The following LRRC7 variants were observed in gnomAD, a reference collection of about 807,000 sequenced individuals.
The protein encoded by LRRC7 is leucine rich repeat containing 7.
A neutral mutation model predicts 175.7 loss-of-function variants in LRRC7; 23 were observed. The observed-to-expected ratio is 0.13, with a 90% confidence interval of 0.09 to 0.19. The LOEUF is 0.19. LRRC7 is among the 10% of genes least tolerant of loss of function. LRRC7 has a pLI of 1.00. For synonymous variants in LRRC7, 685 were observed against 680.9 expected (o/e 1.01, Z -0.09); for missense variants, 1,354 against 1,904.7 (o/e 0.71, Z 5.38).
intron 23 of LRRC7, among the ~76,000 whole-genome samples, chr1:70,058,295 C>G (rs1004844358): frequency 2.6e-5 from 4 of 152,140 alleles, no homozygotes; most frequent in African/African-American, 9.7e-5. Flanking sequence ...TAGGCGAGAG[C>G]CACTGTGCCC....
chr1:69,618,977 A>C (rs2100302247), intron 1 of LRRC7, among the ~76,000 whole-genome samples: 1 of 152,308 alleles, frequency 6.6e-6, no homozygotes, highest in African/African-American at 2.4e-5. Context: ...CAAACTATCA[A>C]ATTTAGAAGC....
intron 3 of LRRC7, among the ~76,000 whole-genome samples, chr1:69,779,877 C>T (rs997701678): frequency 3.3e-4 from 50 of 151,952 alleles, no homozygotes; most frequent in African/African-American, 1.2e-3. Context: ...CAGCACCTGT[C>T]CAGTACTATA....
At position 69,997,039 on chromosome 1, in the gene LRRC7, T is replaced by A. The variant is rs559511734; in HGVS notation, c.1004+2406T>A. On this transcript the variant is annotated intron_variant, in intron 11 of 26. Coordinates refer to ENST00000651989, the MANE Select transcript of LRRC7 (RefSeq NM_001370785.2). ...ATTCTTCCTACCCATGAGCATAGAA[T>A]GTTCTTCCATTTGTTTGTATCCTCT... is the stretch of plus-strand genomic sequence containing the variant. Among the ~76,000 whole-genome samples, 986 of 152,332 alleles carry A rather than the reference T, an allele frequency of 6.5e-3. 9 individuals are homozygous for A. The highest frequency in any genetic ancestry group is 0.022 in the African/African-American group (909 of 41,554).
intron 4 of LRRC7, among the ~76,000 whole-genome samples, chr1:69,800,596 G>A (rs1676358646): frequency 1.3e-5 from 2 of 152,006 alleles, no homozygotes; most frequent in South Asian, 2.1e-4. Flanking sequence ...TTTGTATCCC[G>A]AAATTTTGCT....
intron 2 of LRRC7, among the ~76,000 whole-genome samples, chr1:69,746,739 T>C (rs1669298970): frequency 6.6e-6 from 1 of 152,098 alleles, no homozygotes; most frequent in South Asian, 2.1e-4. Flanking sequence ...TGGTAATAAG[T>C]CTATGCCAGA....
rs550110083 is a variant in LRRC7 at position 70,120,705 on chromosome 1, T to A, written c.4621-1075T>A. Among the ~76,000 whole-genome samples the A allele has an allele frequency of 2.0e-5, 3 of 152,176 alleles. No homozygotes were observed. The South Asian group carries it at 6.2e-4, about 32-fold the overall frequency. The stretch of plus-strand genomic sequence containing the variant: ...AAAATAAGTATCAGTCCATTGAAAA[T>A]TGAAGAAGTCAACCAGTGAACTGGC... On this transcript the variant is annotated intron_variant, in intron 26 of 26. Transcript: ENST00000651989.
At chr1:70,048,277 A>C (rs905594768) in intron 22 of LRRC7, among the ~76,000 whole-genome samples, 3 of 152,148 alleles carry the variant, frequency 2.0e-5, no homozygotes, top group African/African-American at 7.2e-5. Flanking sequence ...ACCTGGTGCT[A>C]TGAGGTACTT....
intron 1 of LRRC7, among the ~76,000 whole-genome samples, chr1:69,618,436 G>T (rs188660455): frequency 9.9e-5 from 15 of 152,214 alleles, no homozygotes; most frequent in Non-Finnish European, 1.6e-4. Flanking sequence ...CTTCATTCCA[G>T]TGTCTCTCTG....
intron 1 of LRRC7, among the ~76,000 whole-genome samples, chr1:69,570,345 G>C (rs1461305164): frequency 6.6e-6 from 1 of 151,898 alleles, no homozygotes; most frequent in Admixed American, 6.6e-5. Flanking sequence ...AAAGTTGATC[G>C]GAGGCGAAAT....
intron 1 of LRRC7, among the ~76,000 whole-genome samples, chr1:69,661,132 C>G (rs1205318429): frequency 6.6e-6 from 1 of 151,856 alleles, no homozygotes; most frequent in African/African-American, 2.4e-5. Context: ...AGATGTGATA[C>G]TTCCTCATGA....
chr1:69,810,567 A>G (rs1044436394), intron 4 of LRRC7, among the ~76,000 whole-genome samples: 9 of 152,154 alleles, frequency 5.9e-5, no homozygotes, highest in Non-Finnish European at 1.3e-4. Flanking sequence ...ACTGGTACCA[A>G]AACAGATATA....
intron 1 of LRRC7, among the ~76,000 whole-genome samples, chr1:69,602,043 A>C (rs1432813627): frequency 6.6e-6 from 1 of 152,220 alleles, no homozygotes; most frequent in Non-Finnish European, 1.5e-5. Context: ...TAGTTCAACG[A>C]GAATCTTAAG....
At chr1:70,049,234 G>A (rs1660568728) in intron 22 of LRRC7, among the ~76,000 whole-genome samples, 1 of 152,076 alleles carries the variant, frequency 6.6e-6, no homozygotes, top group African/African-American at 2.4e-5. Flanking sequence ...TTAGTTAGTT[G>A]ATATTCATCC....
chr1:69,834,926 C>A, intron 6 of LRRC7, 57 bp downstream of exon 6: 1 of 1,330,194 alleles, frequency 7.5e-7, no homozygotes, highest in Non-Finnish European at 1.1e-6. Flanking sequence ...AAGTGCTTTA[C>A]CAGTGCCAGT....
At position 70,131,236 on chromosome 1, in the gene LRRC7, C is replaced by T. The variant is rs117070181; in HGVS notation, c.*9349C>T. 3.2e-4 allele frequency among the ~76,000 whole-genome samples: 48 copies of T among 152,272 alleles called. No homozygotes were observed. In the East Asian group the frequency reaches 7.7e-3, roughly 24 times the overall value. On this transcript the variant is annotated 3_prime_UTR_variant, in exon 27 of 27. Transcript: ENST00000651989. ...AGCATGCTATTTATACTGCCATGATCTTTGGCTTCATTAGATCCTTCCCCT... is the reference window on the plus strand; with the variant it reads ...AGCATGCTATTTATACTGCCATGATTTTTGGCTTCATTAGATCCTTCCCCT...
chr1:69,803,580 T>C (rs1383981913), intron 4 of LRRC7, among the ~76,000 whole-genome samples: 1 of 151,448 alleles, frequency 6.6e-6, no homozygotes, highest in Non-Finnish European at 1.5e-5. Context: ...CTAATTTTGA[T>C]GTTTTGATTT....
intron 11 of LRRC7, among the ~76,000 whole-genome samples, chr1:69,996,523 T>C (rs1252196390): frequency 2.2e-4 from 33 of 151,342 alleles, no homozygotes; most frequent in Admixed American, 2.0e-3. Context: ...AGGGTTTTTA[T>C]GGTTTTAGGT....
intron 22 of LRRC7, among the ~76,000 whole-genome samples, chr1:70,047,884 A>C (rs1660455723): frequency 6.6e-6 from 1 of 152,014 alleles, no homozygotes; most frequent in South Asian, 2.1e-4. Context: ...TTTCCCAGAA[A>C]ATTTAGTAAT....
chr1:69,787,324 A>G (rs1337799649), intron 3 of LRRC7, among the ~76,000 whole-genome samples: 3 of 152,076 alleles, frequency 2.0e-5, no homozygotes, highest in Non-Finnish European at 4.4e-5. Flanking sequence ...AGGATCTACC[A>G]TTCTGGGGTC....
Sources: gnomAD v4.1 joint callset for allele counts (sites outside exome capture counted in the v4.1 genomes callset) on GRCh38, gnomAD v4.1.1 for gene constraint, MANE v1.5 for transcripts, NCBI Gene and HGNC (gene_info 2026-07-23, HGNC 2026-07-21) for gene names.